The following UGT2A1 variants were observed in gnomAD, a reference collection of about 807,000 sequenced individuals.
UGT2A1 encodes the protein UDP-glucuronosyltransferase 2A1.
A neutral mutation model predicts 45.4 loss-of-function variants in UGT2A1; 61 were observed. The observed-to-expected ratio is 1.34, with a 90% CI of 1.09 to 1.66. The LOEUF is 1.66. Ranked by LOEUF, UGT2A1 falls within the 40% of genes most tolerant of loss-of-function variation. UGT2A1 has a pLI of 0.00. For synonymous variants in UGT2A1, 229 were observed against 196.2 expected (o/e 1.17, Z -1.40); for missense variants, 649 against 574.3 (o/e 1.13, Z -1.33).
At chr4:69,641,335 A>G (rs914915377) in intron 2 of UGT2A1, among the ~76,000 whole-genome samples, 6 of 151,930 alleles carry the variant, frequency 3.9e-5, no homozygotes, top group African/African-American at 1.2e-4. Context: ...TAAAATGTAT[A>G]CAATCCTATT....
At chr4:69,617,861 A>C (rs1364583377) in intron 3 of UGT2A1, among the ~76,000 whole-genome samples, 1 of 151,912 alleles carries the variant, frequency 6.6e-6, no homozygotes, top group African/African-American at 2.4e-5. Context: ...CTTATGTAAA[A>C]ATCTTCAATA....
rs114686875 is a variant in UGT2A1 at position 69,601,221 on chromosome 4, C to T, written c.848-1827G>A. 4.8e-3 allele frequency among the ~76,000 whole-genome samples: 728 copies of T among 152,258 alleles called. 6 individuals are homozygous for T. Among genetic ancestry groups the T allele is most frequent in the African/African-American group, 0.017 (707 of 41,540 alleles). On this transcript the variant is annotated intron_variant, in intron 3 of 6. Transcript: ENST00000286604. ...TCTCCCTGGAACATTACCCCAACAGCCAGAGAGCTTCCCTCTGATCCTCAC... is the reference window on the plus strand; with the variant it reads ...TCTCCCTGGAACATTACCCCAACAGTCAGAGAGCTTCCCTCTGATCCTCAC...
intron 2 of UGT2A1, chr4:69,639,431 G>C (rs775842029): frequency 6.2e-7 from 1 of 1,613,080 alleles, no homozygotes; most frequent in African/African-American, 1.3e-5. Context: ...GATTGGAGTT[G>C]ATGAATAGAG....
At chr4:69,638,882 G>T in intron 2 of UGT2A1, 1 of 1,540,246 alleles carries the variant, frequency 6.5e-7, no homozygotes, top group Non-Finnish European at 8.7e-7. Context: ...ATTAAAAAGA[G>T]AAAATTTTAG....
chr4:69,638,183 C>A (rs1033385537), intron 2 of UGT2A1, among the ~76,000 whole-genome samples: 1 of 151,852 alleles, frequency 6.6e-6, no homozygotes, highest in African/African-American at 2.4e-5. Context: ...ATTAGTGTCC[C>A]GAGTACTAAG....
chr4:69,629,343 C>T (rs1277897325), intron 3 of UGT2A1, among the ~76,000 whole-genome samples: 1 of 151,978 alleles, frequency 6.6e-6, no homozygotes, highest in African/African-American at 2.4e-5. Flanking sequence ...CCAAAAAAGA[C>T]TCATGTTCTT....
At chr4:69,612,346 C>T (rs1172364925) in intron 3 of UGT2A1, among the ~76,000 whole-genome samples, 1 of 152,014 alleles carries the variant, frequency 6.6e-6, no homozygotes, top group Non-Finnish European at 1.5e-5. Context: ...TTTACACATT[C>T]AATGACATTC....
At chr4:69,637,947 GAAGGAAGGAAAAA>G (rs1417698557) in intron 2 of UGT2A1, among the ~76,000 whole-genome samples, 6 of 148,212 alleles carry the variant, frequency 4.0e-5, no homozygotes, top group Non-Finnish European at 7.4e-5. Context: ...AGGAAGGAAA[GAAGGAAGGAAAAA>G]AAGGAAGGAA....
At chr4:69,590,417 C>T (rs1718520792) in intron 6 of UGT2A1, among the ~76,000 whole-genome samples, 1 of 152,066 alleles carries the variant, frequency 6.6e-6, no homozygotes, top group Admixed American at 6.5e-5. Flanking sequence ...TTGCAGTTTC[C>T]CTAGTTGTTA....
intron 2 of UGT2A1, among the ~76,000 whole-genome samples, chr4:69,637,779 ATTG>A (rs1721793775): frequency 6.6e-6 from 1 of 152,100 alleles, no homozygotes; most frequent in African/African-American, 2.4e-5. Context: ...TGTTTTGCTT[ATTG>A]TTGTATTCCT....
chr4:69,589,394 C>CCTAT lies in UGT2A1; in HGVS notation c.1558_1561dup (p.Gly521AspfsTer26), dbSNP rs1560463209. On this transcript the variant is annotated frameshift_variant, in exon 7 of 7. Coordinates refer to ENST00000286604, the MANE Select transcript of UGT2A1 (RefSeq NM_001252275.3). LOFTEE classifies it high-confidence loss of function. ...GACCTATTCTCTTTTTTTCTTCTTT[C>CCTAT]CTATCTTACCAAATTTTTGACAGGA... 1.2e-6 allele frequency: 2 copies of CCTAT among 1,608,212 alleles called. No individual in the cohort carries two copies. The highest frequency in any genetic ancestry group is 2.2e-5 in the South Asian group (2 of 90,200).
intron 3 of UGT2A1, among the ~76,000 whole-genome samples, chr4:69,607,598 A>G (rs921226983): frequency 6.6e-6 from 1 of 152,298 alleles, no homozygotes; most frequent in Admixed American, 6.5e-5. Flanking sequence ...GAGCTTCTGC[A>G]CAGGAAAAGA....
intron 4 of UGT2A1, among the ~76,000 whole-genome samples, chr4:69,597,625 G>A (rs1380614264): frequency 6.6e-6 from 1 of 152,142 alleles, no homozygotes; most frequent in Non-Finnish European, 1.5e-5. Context: ...TTTTGGCTTA[G>A]TTAATGTCAG....
intron 3 of UGT2A1, among the ~76,000 whole-genome samples, chr4:69,634,388 G>C (rs992745624): frequency 2.0e-5 from 3 of 152,114 alleles, no homozygotes; most frequent in Non-Finnish European, 4.4e-5. Context: ...TCCAGGGAAA[G>C]GGTGGGAAGC....
At position 69,589,383 on chromosome 4, in the gene UGT2A1, T is replaced by A; in HGVS notation, c.1573A>T (p.Lys525Ter). ...QKFGKIGKKK[K>*]RE Reference sequence around the variant, plus strand: ...CTCTTTTTCTTGACCTATTCTCTTTTTTTCTTCTTTCCTATCTTACCAAAT... The same window carrying A: ...CTCTTTTTCTTGACCTATTCTCTTTATTTCTTCTTTCCTATCTTACCAAAT... Residue 525 changes from lysine (K) to a stop codon, truncating the protein, a stop_gained, in exon 7 of 7, where the codon AAA becomes TAA. Coordinates refer to ENST00000286604, the MANE Select transcript of UGT2A1 (RefSeq NM_001252275.3). LOFTEE classifies it high-confidence loss of function. 1 of 1,611,266 alleles carries A rather than the reference T, an allele frequency of 6.2e-7. No homozygotes were observed. Among genetic ancestry groups the A allele is most frequent in the Non-Finnish European group, 8.5e-7 (1 of 1,178,710 alleles).
At chr4:69,594,833 G>T (rs1718823018) in intron 5 of UGT2A1, 137 bp from the exon 6 acceptor site, 2 of 1,109,190 alleles carry the variant, frequency 1.8e-6, no homozygotes, top group East Asian at 2.6e-5. Flanking sequence ...ATCACATAGG[G>T]CATTGGAATG....
At chr4:69,599,418 A>G (rs1354534530) in intron 3 of UGT2A1, 24 bp from the exon 4 acceptor site, 1 of 1,610,076 alleles carries the variant, frequency 6.2e-7, no homozygotes, top group Non-Finnish European at 8.5e-7. Flanking sequence ...AACAAGTTGG[A>G]TGGAGGAAAT....
chr4:69,625,386 T>G (rs1409982921), intron 3 of UGT2A1, among the ~76,000 whole-genome samples: 1 of 151,220 alleles, frequency 6.6e-6, no homozygotes, highest in Non-Finnish European at 1.5e-5. Context: ...CTGCTGATGC[T>G]CCTTCCTTTA....
Position 69,648,221 on chromosome 4 carries a change from AAAT to A in UGT2A1, c.-54-526_-54-524del, listed in dbSNP as rs201372622. 3.7e-3 allele frequency among the ~76,000 whole-genome samples: 556 copies of A among 149,670 alleles called. 7 individuals carry two copies. The highest frequency in any genetic ancestry group is 0.012 in the African/African-American group (501 of 41,164). On this transcript the variant is annotated intron_variant, in intron 1 of 6. Coordinates refer to ENST00000286604, the MANE Select transcript of UGT2A1 (RefSeq NM_001252275.3). The stretch of plus-strand genomic sequence containing the variant: ...TATAAATTCAAATATTTATAAATTC[AAAT>A]AATACTTATAAATAATATGTATAAC...
Sources: allele counts gnomAD v4.1 joint callset (sites outside exome capture counted in the v4.1 genomes callset), GRCh38; gene constraint gnomAD v4.1.1; transcripts MANE v1.5; gene names NCBI Gene and HGNC (gene_info 2026-07-23, HGNC 2026-07-21).